Variants in MAGI1 observed in about 807,000 individuals in gnomAD.
MAGI1 encodes membrane-associated guanylate kinase, WW and PDZ domain-containing protein 1.
A neutral mutation model predicts 139.9 loss-of-function variants in MAGI1; 58 were observed. The ratio of observed to expected loss-of-function variants is 0.41; its 90% CI spans 0.34 to 0.52. The LOEUF (loss-of-function observed/expected upper bound fraction) is 0.52, where lower values mean the gene tolerates loss of function less well. MAGI1 is among the 20% of genes least tolerant of loss of function. The probability of loss-of-function intolerance (pLI) is 0.12; values close to 1 mark genes in which losing one functional copy is unlikely to be tolerated. For synonymous variants in MAGI1, 812 were observed against 737.9 expected (o/e 1.10, Z -1.63); for missense variants, 1,874 against 1,901.6 (o/e 0.99, Z 0.27).
intron 1 of MAGI1, among the ~76,000 whole-genome samples, chr3:65,635,450 C>G (rs574255940): frequency 6.6e-6 from 1 of 152,306 alleles, no homozygotes; most frequent in African/African-American, 2.4e-5. Flanking sequence ...GACTGACTTT[C>G]CTTCTAACCT....
At chr3:65,484,174 C>T (rs1413291444) in intron 3 of MAGI1, among the ~76,000 whole-genome samples, 2 of 152,154 alleles carry the variant, frequency 1.3e-5, no homozygotes, top group Non-Finnish European at 2.9e-5. Context: ...GGCCTGAGAT[C>T]CATGGATCAC....
At chr3:65,721,859 T>C (rs2033070265) in intron 1 of MAGI1, among the ~76,000 whole-genome samples, 1 of 151,818 alleles carries the variant, frequency 6.6e-6, no homozygotes, top group Admixed American at 6.6e-5. Context: ...TCAAGTAAGC[T>C]TACATAGACT....
intron 1 of MAGI1, among the ~76,000 whole-genome samples, chr3:65,921,712 T>A (rs2062197413): frequency 6.6e-6 from 1 of 152,074 alleles, no homozygotes; most frequent in African/African-American, 2.4e-5. Flanking sequence ...CAAGAAAAGG[T>A]CATTCCACAA....
intron 4 of MAGI1, among the ~76,000 whole-genome samples, chr3:65,471,237 T>C (rs1950543460): frequency 6.6e-6 from 1 of 152,136 alleles, no homozygotes; most frequent in Non-Finnish European, 1.5e-5. Flanking sequence ...TCAGGGGTGA[T>C]GTCATCAAAG....
rs978915568 is a variant in MAGI1 at position 65,781,065 on chromosome 3, T to C, written c.314-158977A>G. ...ATAAAACTTAGCCAGGCGTTGTGGC[T>C]CATGCCTGTAATTCCAACTACCCAG... is the stretch of plus-strand genomic sequence containing the variant. On this transcript the variant is annotated intron_variant, in intron 1 of 22. Coordinates refer to ENST00000402939, the MANE Select transcript of MAGI1 (RefSeq NM_001033057.2). Among the ~76,000 whole-genome samples the C allele has an allele frequency of 2.6e-5, 4 of 152,178 alleles. No homozygotes were observed. The South Asian group carries it at 8.3e-4, about 32-fold the overall frequency.
At chr3:66,014,032 A>C (rs1218371394) in intron 1 of MAGI1, among the ~76,000 whole-genome samples, 1 of 152,166 alleles carries the variant, frequency 6.6e-6, no homozygotes, top group Admixed American at 6.5e-5. Flanking sequence ...CCCTCATAAA[A>C]ATAATACCTG....
At chr3:66,018,836 A>C (rs2067811010) in intron 1 of MAGI1, among the ~76,000 whole-genome samples, 1 of 152,180 alleles carries the variant, frequency 6.6e-6, no homozygotes, top group Non-Finnish European at 1.5e-5. Context: ...TGCAAGAATG[A>C]GAACTGGCTG....
chr3:65,886,573 G>C (rs1045148447), intron 1 of MAGI1, among the ~76,000 whole-genome samples: 2 of 152,168 alleles, frequency 1.3e-5, no homozygotes, highest in African/African-American at 4.8e-5. Context: ...CAGAAGCACA[G>C]TGTGTCATTT....
At chr3:66,016,294 C>G (rs2107528766) in intron 1 of MAGI1, among the ~76,000 whole-genome samples, 1 of 152,252 alleles carries the variant, frequency 6.6e-6, no homozygotes, top group East Asian at 1.9e-4. Flanking sequence ...GATATGTGCT[C>G]TTATTACTGC....
intron 1 of MAGI1, among the ~76,000 whole-genome samples, chr3:65,823,269 G>A (rs929918344): frequency 3.9e-5 from 6 of 152,098 alleles, no homozygotes; most frequent in East Asian, 1.9e-4. Context: ...AGTGGATGAC[G>A]GTACAATGGG....
intron 7 of MAGI1, 101 bp downstream of exon 7, chr3:65,447,921 C>A: frequency 1.5e-6 from 2 of 1,327,250 alleles, no homozygotes; most frequent in African/African-American, 1.4e-5. Flanking sequence ...TGGAGGAGTG[C>A]AAACTAAAGA....
intron 6 of MAGI1, 189 bp from the exon 7 acceptor site, chr3:65,448,246 C>T (rs762176097): frequency 4.9e-5 from 30 of 611,330 alleles, no homozygotes; most frequent in South Asian, 7.9e-5. Flanking sequence ...AATCACAAAA[C>T]GGGAAGAGCT....
In MAGI1 at chr3:65,673,379, G is replaced by GT. The variant is rs1325512801; in HGVS notation, c.314-51292dup. ...CTGTATACCAGAGTAACCTGTGTCT[G>GT]TTTTTTTACGTAAAAACATGTATAA... On this transcript the variant is annotated intron_variant, in intron 1 of 22. Coordinates refer to ENST00000402939, the MANE Select transcript of MAGI1 (RefSeq NM_001033057.2). Among the ~76,000 whole-genome samples, 5 of 152,160 alleles carry GT rather than the reference G, an allele frequency of 3.3e-5. No homozygotes were observed. In the South Asian group the frequency reaches 1.0e-3, roughly 32 times the overall value.
chr3:65,363,205 T>C (rs1941066784), intron 21 of MAGI1, among the ~76,000 whole-genome samples: 1 of 152,234 alleles, frequency 6.6e-6, no homozygotes, highest in Admixed American at 6.5e-5. Context: ...ATATCTACTT[T>C]AATATATTTG....
chr3:65,439,863 G>C lies in MAGI1; in HGVS notation c.1270+16C>G, dbSNP rs781576634. The C allele has an allele frequency of 3.1e-6, 5 of 1,609,580 alleles. No individual in the cohort carries two copies. Among genetic ancestry groups the C allele is most frequent in the East Asian group, 4.5e-5 (2 of 44,778 alleles). On this transcript the variant is annotated intron_variant, in intron 9 of 22. Coordinates refer to ENST00000402939, the MANE Select transcript of MAGI1 (RefSeq NM_001033057.2). ...GCTCCCCTGATCAAGAAAAAGCCTA[G>C]AGGAAAGAGGCCAACCTTCTGTCTG...
At chr3:65,929,346 A>ATTT (rs11369311) in intron 1 of MAGI1, among the ~76,000 whole-genome samples, 2 of 145,524 alleles carry the variant, frequency 1.4e-5, no homozygotes, top group African/African-American at 5.1e-5. Context: ...ATCAAGGATG[A>ATTT]TTTTTTTTTT....
At chr3:66,018,502 G>A (rs529057364) in intron 1 of MAGI1, among the ~76,000 whole-genome samples, 1 of 152,250 alleles carries the variant, frequency 6.6e-6, no homozygotes, top group Non-Finnish European at 1.5e-5. Flanking sequence ...GCACAGAGAG[G>A]TTAAGCAAGT....
chr3:65,793,534 A>T (rs1410115386), intron 1 of MAGI1, among the ~76,000 whole-genome samples: 2 of 152,344 alleles, frequency 1.3e-5, no homozygotes, highest in South Asian at 2.1e-4. Flanking sequence ...TTAATCTTCA[A>T]AGTATTTATA....
At chr3:65,775,292 C>CA (rs1248942032) in intron 1 of MAGI1, among the ~76,000 whole-genome samples, 2 of 150,096 alleles carry the variant, frequency 1.3e-5, no homozygotes, top group Admixed American at 6.6e-5. Flanking sequence ...CAAAAAAATA[C>CA]AAAAAAATTT....
Sources: allele counts gnomAD v4.1 joint callset (sites outside exome capture counted in the v4.1 genomes callset), GRCh38; gene constraint gnomAD v4.1.1; transcripts MANE v1.5; gene names NCBI Gene and HGNC (gene_info 2026-07-23, HGNC 2026-07-21).